Variants in TENM2 observed in about 807,000 individuals in gnomAD.
TENM2 encodes the protein teneurin transmembrane protein 2, also known as teneurin-2.
Under a neutral mutation model 245.2 loss-of-function variants are expected in TENM2, and 52 were observed. That is an observed-to-expected ratio of 0.21 (90% CI 0.17 to 0.27). TENM2 has a LOEUF of 0.27. Among genes scored for constraint, TENM2 ranks in the 10% least tolerant of loss-of-function variants. The pLI, the probability that TENM2 is intolerant of heterozygous loss-of-function variation, is 1.00. For synonymous variants in TENM2, 1,363 were observed against 1,438.9 expected (o/e 0.95, Z 1.19); for missense variants, 3,046 against 3,666.8 (o/e 0.83, Z 4.37).
chr5:167,242,888 T>G, the TENM2 span, among the ~76,000 whole-genome samples: 1 of 152,160 alleles, frequency 6.6e-6, no homozygotes, highest in Non-Finnish European at 1.5e-5. Context: ...GACTAGATTA[T>G]GTTTGTGTGT....
At chr5:167,548,512 G>A (rs891627283) in intron 2 of TENM2, among the ~76,000 whole-genome samples, 4 of 151,604 alleles carry the variant, frequency 2.6e-5, no homozygotes, top group African/African-American at 9.7e-5. Flanking sequence ...ATCACCTGGG[G>A]ACAGTGTTCT....
At chr5:168,147,762 A>G (rs923820123) in intron 12 of TENM2, among the ~76,000 whole-genome samples, 2 of 152,242 alleles carry the variant, frequency 1.3e-5, no homozygotes, top group Non-Finnish European at 2.9e-5. Flanking sequence ...ATGCACAGCC[A>G]TACATCAGAA....
chr5:167,239,638 G>C, the TENM2 span, among the ~76,000 whole-genome samples: 2 of 151,754 alleles, frequency 1.3e-5, no homozygotes, highest in South Asian at 2.1e-4. Flanking sequence ...TTTGAAAGCA[G>C]ATGTGTTTGC....
intron 1 of TENM2, among the ~76,000 whole-genome samples, chr5:167,351,155 A>T (rs1758885191): frequency 8.1e-6 from 1 of 124,106 alleles, no homozygotes; most frequent in African/African-American, 2.7e-5. Flanking sequence ...CATATGGATT[A>T]TATATATATG....
chr5:167,222,423 G>A, the TENM2 span, among the ~76,000 whole-genome samples: 7 of 152,262 alleles, frequency 4.6e-5, no homozygotes, highest in South Asian at 2.1e-4. Context: ...TTGGTTCCAC[G>A]TAGAATTGCC....
chr5:167,512,646 A>C (rs1317089951), intron 2 of TENM2, among the ~76,000 whole-genome samples: 1 of 152,092 alleles, frequency 6.6e-6, no homozygotes, highest in Non-Finnish European at 1.5e-5. Flanking sequence ...TCCTAACTAC[A>C]CCTCTTAGGT....
intron 2 of TENM2, among the ~76,000 whole-genome samples, chr5:167,468,836 C>T (rs891980224): frequency 5.3e-5 from 8 of 152,116 alleles, no homozygotes; most frequent in Non-Finnish European, 1.0e-4. Context: ...GCAGTTTTAA[C>T]ATGTGATATG....
chr5:167,549,102 T>C (rs942539623), intron 2 of TENM2, among the ~76,000 whole-genome samples: 2 of 152,180 alleles, frequency 1.3e-5, no homozygotes, highest in African/African-American at 4.8e-5. Context: ...AGGAACTGTG[T>C]TTGTGGTGGT....
rs187550440 is a variant in TENM2 at position 167,946,403 on chromosome 5, G to C, written c.713-6185G>C. Among the ~76,000 whole-genome samples the C allele has an allele frequency of 3.7e-3, 570 of 152,282 alleles. 2 individuals carry two copies. The highest frequency in any genetic ancestry group is 0.012 in the African/African-American group (511 of 41,542). ...GCACAGTGAAGGAAGTTTGGGGAGG[G>C]CCTTTGGGAAGGCATAGAAAGAGAT... On this transcript the variant is annotated intron_variant, in intron 3 of 28. Transcript: ENST00000518659.
chr5:167,791,584 A>C (rs1189980259), intron 2 of TENM2, among the ~76,000 whole-genome samples: 1 of 147,654 alleles, frequency 6.8e-6, no homozygotes, highest in African/African-American at 2.5e-5. Flanking sequence ...GAATGAGGAT[A>C]ATGGTTGTGT....
chr5:168,019,395 C>A (rs1785947077), intron 5 of TENM2, among the ~76,000 whole-genome samples: 1 of 152,074 alleles, frequency 6.6e-6, no homozygotes, highest in Non-Finnish European at 1.5e-5. Context: ...GGAGGCCATT[C>A]CAAAGCCCAG....
the TENM2 span, among the ~76,000 whole-genome samples, chr5:167,013,848 A>G: frequency 6.6e-6 from 1 of 152,214 alleles, no homozygotes; most frequent in African/African-American, 2.4e-5. Flanking sequence ...GATTACTACT[A>G]TGAGGCATAA....
intron 7 of TENM2, among the ~76,000 whole-genome samples, chr5:168,081,465 C>A (rs1718465668): frequency 6.6e-6 from 1 of 152,074 alleles, no homozygotes; most frequent in Admixed American, 6.5e-5. Flanking sequence ...GAATTTGATC[C>A]TGTCATTATG....
At chr5:168,037,025 C>T (rs115486142) in intron 5 of TENM2, among the ~76,000 whole-genome samples, 1,657 of 152,116 alleles carry the variant, frequency 0.011, 23 homozygotes, top group Non-Finnish European at 0.017. Flanking sequence ...CCTAATCAGG[C>T]CCTGGGAGAT....
At chr5:167,476,242 T>G (rs1767364955) in intron 2 of TENM2, among the ~76,000 whole-genome samples, 1 of 152,218 alleles carries the variant, frequency 6.6e-6, no homozygotes, top group Admixed American at 6.5e-5. Context: ...CTATTTACAG[T>G]GTAGAATCTT....
chr5:167,924,146 C>T (rs1032234881), intron 3 of TENM2, among the ~76,000 whole-genome samples: 5 of 152,162 alleles, frequency 3.3e-5, no homozygotes, highest in Non-Finnish European at 5.9e-5. Context: ...CTGGTTGCAT[C>T]GTCTCCCCAC....
chr5:167,096,402 G>A, the TENM2 span, among the ~76,000 whole-genome samples: 5 of 152,190 alleles, frequency 3.3e-5, no homozygotes, highest in African/African-American at 1.2e-4. Context: ...CTCTCTGACC[G>A]TAACACATTT....
At chr5:167,452,961 A>ATATATATAT (rs1561968262) in intron 2 of TENM2, among the ~76,000 whole-genome samples, 36 of 77,080 alleles carry the variant, frequency 4.7e-4, no homozygotes, top group African/African-American at 6.6e-4. Context: ...ATATATATAT[A>ATATATATAT]TTTAAAAAAA....
chr5:167,286,967 C>A (rs1238057370), intron 1 of TENM2, among the ~76,000 whole-genome samples: 2 of 152,202 alleles, frequency 1.3e-5, no homozygotes, highest in Non-Finnish European at 2.9e-5. Context: ...TAACAATTCA[C>A]ACATGCCGCA....
Sources: gnomAD v4.1 joint callset for allele counts (sites outside exome capture counted in the v4.1 genomes callset) on GRCh38, gnomAD v4.1.1 for gene constraint, MANE v1.5 for transcripts, NCBI Gene and HGNC (gene_info 2026-07-23, HGNC 2026-07-21) for gene names.